THOC2: variants seen among roughly 807,000 people sequenced by gnomAD.
THOC2 encodes THO complex subunit 2.
A neutral mutation model predicts 128.4 loss-of-function variants in THOC2; 10 were observed. The observed-to-expected ratio is 0.08, with a 90% confidence interval of 0.05 to 0.13. THOC2 has a LOEUF of 0.13. THOC2 is among the 10% of genes least tolerant of loss of function. THOC2 has a pLI of 1.00. For missense variants in THOC2, 535 were observed against 1,155.7 expected (o/e 0.46, Z 7.79); for synonymous variants, 393 against 396.9 (o/e 0.99, Z 0.12).
intron 12 of THOC2, among the ~76,000 whole-genome samples, chrX:123,649,344 A>G (rs1250771058): frequency 8.9e-6 from 1 of 111,908 alleles, no homozygotes; most frequent in African/African-American, 3.3e-5. Flanking sequence ...CATGAAGATG[A>G]GAAAAAAACA....
At chrX:123,669,550 A>G (rs1384527853) in intron 9 of THOC2, among the ~76,000 whole-genome samples, 1 of 111,218 alleles carries the variant, frequency 9.0e-6, no homozygotes, top group African/African-American at 3.3e-5. Context: ...TCCTGACCTC[A>G]GATGATCTGC....
chrX:123,654,770 A>C (rs1297760249), intron 12 of THOC2, among the ~76,000 whole-genome samples: 1 of 106,075 alleles, frequency 9.4e-6, no homozygotes, highest in African/African-American at 3.4e-5. Context: ...AAAAAAAAAA[A>C]AAAAAAAAAA....
At chrX:123,653,455 A>C (rs1429352984) in intron 12 of THOC2, among the ~76,000 whole-genome samples, 1 of 112,133 alleles carries the variant, frequency 8.9e-6, no homozygotes, top group Non-Finnish European at 1.9e-5. Flanking sequence ...GCACAGCAAA[A>C]GAAACTATCA....
intron 12 of THOC2, among the ~76,000 whole-genome samples, chrX:123,651,725 G>GCCC (rs199787566): frequency 2.1e-5 from 2 of 94,764 alleles, no homozygotes; most frequent in Middle Eastern, 5.6e-3. Context: ...GGACACATAC[G>GCCC]CCCCCCCCCC....
chrX:123,644,849 A>G lies in THOC2; in HGVS notation c.1489T>C (p.Leu497=). Residue 497 remains leucine, a synonymous_variant, in exon 14 of 39, where the codon TTG becomes CTG. Coordinates refer to ENST00000245838, the MANE Select transcript of THOC2 (RefSeq NM_001081550.2). ...GACATACAAGCATTGCAGTCCATCAAAGAAAGAGATGGAAGTAGTACCTGG... is the reference window on the plus strand; with the variant it reads ...GACATACAAGCATTGCAGTCCATCAGAGAAAGAGATGGAAGTAGTACCTGG... ...TDQVLLPSLS[L]MDCNACMSEE... is the part of the protein sequence containing the mutation. 1.7e-6 allele frequency: 2 copies of G among 1,202,013 alleles called. No homozygotes were observed. The highest frequency in any genetic ancestry group is 3.5e-5 in the South Asian group (2 of 56,515).
intron 24 of THOC2, 79 bp from the exon 25 acceptor site, chrX:123,626,148 T>G: frequency 1.5e-6 from 1 of 687,858 alleles, no homozygotes; most frequent in Non-Finnish European, 2.2e-6. Flanking sequence ...GACAACATAT[T>G]ACCTTTAGTG....
chrX:123,729,802 G>A (rs1297952846), intron 1 of THOC2, among the ~76,000 whole-genome samples: 1 of 111,713 alleles, frequency 9.0e-6, no homozygotes, highest in African/African-American at 3.3e-5. Context: ...TCAGACAAAG[G>A]AAAAAGGTTT....
chrX:123,674,297 T>C (rs953124993), intron 8 of THOC2, among the ~76,000 whole-genome samples: 3 of 112,109 alleles, frequency 2.7e-5, no homozygotes, highest in Admixed American at 1.9e-4. Flanking sequence ...CAATGGGTTA[T>C]CCATTTTATA....
At chrX:123,663,400 T>C (rs1186438428) in intron 12 of THOC2, among the ~76,000 whole-genome samples, 1 of 110,982 alleles carries the variant, frequency 9.0e-6, no homozygotes, top group Non-Finnish European at 1.9e-5. Context: ...CTATCAGAGG[T>C]TGCCAGGAAC....
intron 7 of THOC2, among the ~76,000 whole-genome samples, chrX:123,690,376 T>G (rs1402032684): frequency 8.9e-6 from 1 of 112,135 alleles, no homozygotes; most frequent in Non-Finnish European, 1.9e-5. Context: ...TTCTACTATA[T>G]GTCAATGAAG....
At chrX:123,607,005 T>G (rs1053446173) in intron 38 of THOC2, among the ~76,000 whole-genome samples, 1 of 109,630 alleles carries the variant, frequency 9.1e-6, no homozygotes, top group African/African-American at 3.3e-5. Context: ...CAAGTTAAAA[T>G]TGAGAAGCCA....
At chrX:123,624,698 A>G in intron 25 of THOC2, 29 bp from the exon 26 acceptor site, 1 of 1,173,440 alleles carries the variant, frequency 8.5e-7, no homozygotes, top group Non-Finnish European at 1.2e-6. Context: ...TAAAAAATAT[A>G]AACAAATCAA....
chrX:123,655,919 T>C (rs2048551132), intron 12 of THOC2, among the ~76,000 whole-genome samples: 1 of 110,310 alleles, frequency 9.1e-6, no homozygotes, highest in Non-Finnish European at 1.9e-5. Context: ...ATTTTATTTA[T>C]ATTTATAAGA....
chrX:123,668,062 T>A (rs2049116740), intron 10 of THOC2, 97 bp downstream of exon 10: 1 of 664,407 alleles, frequency 1.5e-6, no homozygotes, highest in African/African-American at 2.3e-5. Flanking sequence ...AAATGAAAAC[T>A]AAGAAATTAT....
intron 30 of THOC2, 83 bp from the exon 31 acceptor site, chrX:123,621,670 T>C (rs1273239813): frequency 1.3e-6 from 1 of 763,768 alleles, no homozygotes; most frequent in African/African-American, 2.2e-5. Context: ...TCATAAAGGG[T>C]TTCTTACTAA....
At chrX:123,700,827 C>G (rs1434296093) in intron 4 of THOC2, among the ~76,000 whole-genome samples, 2 of 111,431 alleles carry the variant, frequency 1.8e-5, no homozygotes, top group African/African-American at 6.5e-5. Context: ...AACACAATGC[C>G]TAGAACATGG....
chrX:123,672,613 C>T (rs1008289767), intron 8 of THOC2, among the ~76,000 whole-genome samples: 2 of 112,061 alleles, frequency 1.8e-5, no homozygotes, highest in Admixed American at 1.9e-4. Flanking sequence ...ATGTTCTCCA[C>T]AAAACAGGTG....
intron 22 of THOC2, among the ~76,000 whole-genome samples, chrX:123,629,139 A>G (rs751333402): frequency 9.4e-6 from 1 of 106,564 alleles, no homozygotes; most frequent in African/African-American, 3.4e-5. Context: ...ACAAAAATAT[A>G]TATATTTTTT....
chrX:123,633,133 A>G (rs1006349723), intron 20 of THOC2, 93 bp from the exon 21 acceptor site: 4 of 605,514 alleles, frequency 6.6e-6, no homozygotes, highest in Non-Finnish European at 9.5e-6. Context: ...TAAAATGCTT[A>G]ATATAAAAAA....
Sources: gnomAD v4.1 joint callset for allele counts (sites outside exome capture counted in the v4.1 genomes callset) on GRCh38, gnomAD v4.1.1 for gene constraint, MANE v1.5 for transcripts, NCBI Gene and HGNC (gene_info 2026-07-23, HGNC 2026-07-21) for gene names.